TINAG: variants seen among roughly 807,000 people sequenced by gnomAD.
The protein encoded by TINAG is tubulointerstitial nephritis antigen.
Under a neutral mutation model 72.7 loss-of-function variants are expected in TINAG, and 83 were observed. The observed-to-expected ratio is 1.14, with a 90% CI of 0.96 to 1.37. The LOEUF (loss-of-function observed/expected upper bound fraction) is 1.37, where lower values mean the gene tolerates loss of function less well. TINAG is among the 40% of genes most tolerant of loss of function. The pLI is 0.00. For missense variants in TINAG, 685 were observed against 576.6 expected, an observed-to-expected ratio of 1.19 and a Z score of -1.93; for synonymous variants, 234 against 189.9, an observed-to-expected ratio of 1.23 and a Z score of -1.91.
chr6:54,310,351 G>T (rs925289841), intron 1 of TINAG, among the ~76,000 whole-genome samples: 6 of 151,868 alleles, frequency 4.0e-5, no homozygotes, highest in African/African-American at 1.5e-4. Context: ...CTCCCAAAGT[G>T]CTAGGATTAC....
At chr6:54,370,932 C>G (rs1312832345) in intron 9 of TINAG, among the ~76,000 whole-genome samples, 1 of 152,068 alleles carries the variant, frequency 6.6e-6, no homozygotes, top group Non-Finnish European at 1.5e-5. Context: ...CTGTTCCACT[C>G]CGTAAGTGCT....
chr6:54,321,315 A>G lies in TINAG; in HGVS notation c.438A>G (p.Gln146=), dbSNP rs200270463. 2.2e-5 allele frequency: 35 copies of G among 1,613,828 alleles called. No homozygotes were observed. In the East Asian group the frequency reaches 2.2e-4, roughly 10 times the overall value. Residue 146 remains glutamine (Q), a synonymous_variant, in exon 3 of 11, where the codon CAA becomes CAG. Transcript: ENST00000259782. ...NCNSCTCSGQ[Q]WKCSQHVCLV... is the part of the protein sequence containing the mutation. ...TTTGCAGCACATGCTCAGGACAGCAATGGAAATGTTCCCAGCATGTATGCC... is the reference window on the plus strand; with the variant it reads ...TTTGCAGCACATGCTCAGGACAGCAGTGGAAATGTTCCCAGCATGTATGCC...
At chr6:54,326,762 G>A (rs747656159) in intron 3 of TINAG, 40 bp from the exon 4 acceptor site, 1 of 1,431,398 alleles carries the variant, frequency 7.0e-7, no homozygotes, top group African/African-American at 1.4e-5. Context: ...CATATAACCT[G>A]TATATATTTT....
intron 1 of TINAG, among the ~76,000 whole-genome samples, chr6:54,317,406 T>C (rs1192272818): frequency 6.6e-6 from 1 of 152,168 alleles, no homozygotes; most frequent in Non-Finnish European, 1.5e-5. Context: ...GACAGGTTTT[T>C]CCCATGCTGT....
At chr6:54,317,129 C>T (rs998822568) in intron 1 of TINAG, among the ~76,000 whole-genome samples, 14 of 152,120 alleles carry the variant, frequency 9.2e-5, no homozygotes, top group African/African-American at 3.1e-4. Flanking sequence ...TTTCAACCTA[C>T]CTCCATCTGG....
rs192815535 is a variant in TINAG, at chr6:54,362,169, G to T, written c.1250+7533G>T. Among the ~76,000 whole-genome samples the T allele has an allele frequency of 2.2e-3, 336 of 151,796 alleles. 3 individuals carry two copies. Among genetic ancestry groups the T allele is most frequent in the African/African-American group, 7.6e-3 (317 of 41,502 alleles). On this transcript the variant is annotated intron_variant, in intron 9 of 10. Transcript: ENST00000259782. ...TAAATAACAGACTTTCAATGTGGGT[G>T]AAACAGTCTTCTATTGGAAGAAGAT...
At position 54,342,062 on chromosome 6, in the gene TINAG, GGTGTGT is replaced by G. The variant is rs142069767; in HGVS notation, c.625-1148_625-1143del. 2.7e-4 allele frequency among the ~76,000 whole-genome samples: 40 copies of G among 147,582 alleles called. 1 individual carries two copies. Among genetic ancestry groups the G allele is most frequent in the African/African-American group, 8.1e-4 (31 of 38,198 alleles). Reference sequence around the variant, plus strand: ...TGAAAGAATGCTCAGAAATGATTGGGGTGTGTGTGTGTGTGTGTGTGAGAACACATA... The same window carrying G: ...TGAAAGAATGCTCAGAAATGATTGGGGTGTGTGTGTGTGTGAGAACACATA... On this transcript the variant is annotated intron_variant, in intron 4 of 10. Transcript: ENST00000259782.
At chr6:54,345,456 A>G (rs1785098105) in intron 5 of TINAG, among the ~76,000 whole-genome samples, 1 of 152,146 alleles carries the variant, frequency 6.6e-6, no homozygotes, top group Non-Finnish European at 1.5e-5. Flanking sequence ...CTGAAGCCAA[A>G]AGATGAGAAA....
chr6:54,308,026 G>C, upstream of TINAG: 1 of 1,548,826 alleles, frequency 6.5e-7, no homozygotes, highest in Non-Finnish European at 8.7e-7. Flanking sequence ...ATGATTTAGA[G>C]CAACTGTTAT....
At chr6:54,357,540 A>G (rs749000380) in intron 9 of TINAG, among the ~76,000 whole-genome samples, 11 of 151,936 alleles carry the variant, frequency 7.2e-5, no homozygotes, top group Non-Finnish European at 1.5e-4. Context: ...AACAGCATCA[A>G]TCTTTTCTAT....
intron 9 of TINAG, among the ~76,000 whole-genome samples, chr6:54,361,539 T>C (rs1261342966): frequency 6.6e-6 from 1 of 151,598 alleles, no homozygotes; most frequent in Non-Finnish European, 1.5e-5. Context: ...GGAGATCCAC[T>C]CCTATGATCC....
chr6:54,350,330 TA>T (rs1176355940), intron 7 of TINAG, among the ~76,000 whole-genome samples: 1 of 152,032 alleles, frequency 6.6e-6, no homozygotes, highest in Non-Finnish European at 1.5e-5. Context: ...GTTTGTCTGT[TA>T]AAAGCCTAGG....
In TINAG at chr6:54,363,629, A is replaced by AC. The variant is rs530103939; in HGVS notation, c.1250+8993_1250+8994insC. Among the ~76,000 whole-genome samples, 293 of 151,386 alleles carry AC rather than the reference A, an allele frequency of 1.9e-3. 3 individuals carry two copies. Among genetic ancestry groups the AC allele is most frequent in the African/African-American group, 6.5e-3 (268 of 41,392 alleles). ...AGTGCCAACGGGTATCAAAAAAAAA[A>AC]AAAAAACAGGCAGATTTACTGATCT... On this transcript the variant is annotated intron_variant, in intron 9 of 10. Coordinates refer to ENST00000259782, the MANE Select transcript of TINAG (RefSeq NM_014464.4).
intron 1 of TINAG, among the ~76,000 whole-genome samples, chr6:54,310,733 CTT>C (rs1456968433): frequency 6.7e-5 from 8 of 118,680 alleles, no homozygotes; most frequent in Non-Finnish European, 1.2e-4. Flanking sequence ...TTTTTTCTCT[CTT>C]TCTCTCCCTC....
chr6:54,361,344 T>A (rs866424383), intron 9 of TINAG, among the ~76,000 whole-genome samples: 2 of 151,688 alleles, frequency 1.3e-5, no homozygotes, highest in Non-Finnish European at 2.9e-5. Flanking sequence ...AATTGACTCA[T>A]AGTTCCACAG....
At position 54,321,512 on chromosome 6, in the gene TINAG, A is replaced by C. The variant is rs150560754; in HGVS notation, c.509+126A>C. ...AAGAGTGGGAGAGAAATAGGAAGGG[A>C]GATAGAAAGCATGTAAACCTGGAAT... is the stretch of plus-strand genomic sequence containing the variant. On this transcript the variant is annotated intron_variant, in intron 3 of 10. Transcript: ENST00000259782. 2.7e-4 allele frequency: 174 copies of C among 656,418 alleles called. 1 individual carries two copies. The East Asian group carries it at 4.3e-3, about 16-fold the overall frequency. 40.7% of individuals were successfully genotyped at this position (656,418 alleles called of 1,614,324 possible). A position where few individuals can be genotyped will look rare whatever the true frequency, so the allele number is the denominator to read the frequency against.
At chr6:54,372,002 T>TTTTG (rs1333459500) in intron 9 of TINAG, among the ~76,000 whole-genome samples, 3 of 144,300 alleles carry the variant, frequency 2.1e-5, no homozygotes, top group African/African-American at 7.7e-5. Context: ...TTTTTTTTTT[T>TTTTG]TTTTTTGAGA....
upstream of TINAG, chr6:54,308,036 T>C (rs1037778736): frequency 7.1e-6 from 11 of 1,549,572 alleles, no homozygotes; most frequent in Non-Finnish European, 7.9e-6. Flanking sequence ...GCAACTGTTA[T>C]TGATATGACA....
chr6:54,364,809 C>G (rs923963489), intron 9 of TINAG, among the ~76,000 whole-genome samples: 2 of 151,222 alleles, frequency 1.3e-5, no homozygotes, highest in Non-Finnish European at 3.0e-5. Flanking sequence ...CTATCTAGCT[C>G]TGGTTAAAGA....
Sources: allele counts gnomAD v4.1 joint callset (sites outside exome capture counted in the v4.1 genomes callset), GRCh38; gene constraint gnomAD v4.1.1; transcripts MANE v1.5; gene names NCBI Gene and HGNC (gene_info 2026-07-23, HGNC 2026-07-21).